The following MTERF4 variants were observed in gnomAD, a reference collection of about 807,000 sequenced individuals.
The protein encoded by MTERF4 is mitochondrial transcription termination factor 4.
Under a neutral mutation model 22.5 loss-of-function variants are expected in MTERF4, and 17 were observed. That is an observed-to-expected ratio of 0.75 (90% CI 0.52 to 1.13). The LOEUF (loss-of-function observed/expected upper bound fraction) is 1.13, where lower values mean the gene tolerates loss of function less well. Ranked by LOEUF, MTERF4 falls within the 50% of genes most tolerant of loss-of-function variation. MTERF4 has a pLI of 0.00. For synonymous variants in MTERF4, 165 were observed against 175.3 expected (o/e 0.94, Z 0.47); for missense variants, 420 against 466.8 (o/e 0.90, Z 0.92).
At chr2:241,082,168 G>T, downstream of MTERF4, 1 of 834,100 alleles carries the variant, frequency 1.2e-6, no homozygotes, top group Admixed American at 2.3e-5. Flanking sequence ...CGCCTTGGAG[G>T]AAGCCAGCCT....
At chr2:241,102,160 C>T (rs2064742712) in intron 1 of MTERF4, 93 bp downstream of exon 1, 1 of 1,531,256 alleles carries the variant, frequency 6.5e-7, no homozygotes, top group East Asian at 2.5e-5. Context: ...GCTCCACGAC[C>T]TGGCCGTGAA....
At chr2:241,043,003 A>G in the MTERF4 span, among the ~76,000 whole-genome samples, 1 of 152,212 alleles carries the variant, frequency 6.6e-6, no homozygotes, top group East Asian at 1.9e-4. Context: ...CCTGGGATCC[A>G]TGTATGTGCA....
At chr2:241,052,278 C>T in the MTERF4 span, 4 of 1,433,844 alleles carry the variant, frequency 2.8e-6, no homozygotes, top group East Asian at 2.3e-5. Context: ...GAGCTGGGTG[C>T]AGGAGGCAGG....
chr2:241,094,641 C>T (rs1351710799), downstream of MTERF4: 13 of 339,110 alleles, frequency 3.8e-5, no homozygotes, highest in Non-Finnish European at 6.9e-5. This position sits in a 1 kb window ranked among gnomAD's most constrained non-coding sequence, Gnocchi z 4.3. Flanking sequence ...CTGTTGTGGA[C>T]CAGGCCTTAG....
downstream of MTERF4, chr2:241,090,258 A>G (rs1029656351): frequency 3.3e-6 from 5 of 1,516,740 alleles, no homozygotes; most frequent in East Asian, 5.0e-5. Flanking sequence ...ACACAAACAC[A>G]CACATTGGCT....
chr2:241,094,181 T>C, downstream of MTERF4: 1 of 389,050 alleles, frequency 2.6e-6, no homozygotes, highest in South Asian at 1.9e-5. This position sits in a 1 kb window ranked among gnomAD's most constrained non-coding sequence, Gnocchi z 4.3. Context: ...CCATTGCGTG[T>C]GGGCTGCCAG....
downstream of MTERF4, among the ~76,000 whole-genome samples, chr2:241,067,601 G>A (rs2062513683): frequency 6.6e-6 from 1 of 152,030 alleles, no homozygotes; most frequent in Non-Finnish European, 1.5e-5. Flanking sequence ...CAGAGCCTGG[G>A]CATCCCACTC....
the MTERF4 span, among the ~76,000 whole-genome samples, chr2:241,060,644 TA>T: frequency 0.032 from 4,870 of 151,500 alleles, 366 homozygotes; most frequent in East Asian, 0.21. Flanking sequence ...AATGTTTCTT[TA>T]AAAAAAAACT....
downstream of MTERF4, chr2:241,067,666 C>A (rs1553581619): frequency 1.0e-6 from 1 of 979,810 alleles, no homozygotes; most frequent in Non-Finnish European, 1.5e-6. Flanking sequence ...CTCTCTGTGG[C>A]CCCCAGCACC....
chr2:241,055,259 C>A, the MTERF4 span, among the ~76,000 whole-genome samples: 1 of 152,036 alleles, frequency 6.6e-6, no homozygotes, highest in African/African-American at 2.4e-5. Context: ...TCCAGATGAA[C>A]AGCAGATTAA....
downstream of MTERF4, among the ~76,000 whole-genome samples, chr2:241,086,174 G>A (rs1252465490): frequency 6.6e-6 from 1 of 152,040 alleles, no homozygotes; most frequent in Non-Finnish European, 1.5e-5. Flanking sequence ...GCCCTGTCTG[G>A]GGTTTCTATG....
chr2:241,052,417 G>A, the MTERF4 span: 2 of 1,607,090 alleles, frequency 1.2e-6, no homozygotes, highest in Non-Finnish European at 1.7e-6. Context: ...CCGGGACACG[G>A]ATTTCTTCTG....
downstream of MTERF4, chr2:241,089,120 A>G (rs1047589451): frequency 9.1e-6 from 5 of 548,016 alleles, no homozygotes; most frequent in African/African-American, 5.9e-5. Context: ...ATTCTTCACA[A>G]TCGTTTGCAA....
At chr2:241,059,450 C>T in the MTERF4 span, among the ~76,000 whole-genome samples, 1 of 152,170 alleles carries the variant, frequency 6.6e-6, no homozygotes, top group Non-Finnish European at 1.5e-5. Context: ...TCTCAACTCA[C>T]CTTGATACCA....
the MTERF4 span, among the ~76,000 whole-genome samples, chr2:241,056,811 G>T: frequency 6.6e-6 from 1 of 151,640 alleles, no homozygotes; most frequent in Non-Finnish European, 1.5e-5. Flanking sequence ...TCGATCTCCT[G>T]ACCTCGTGAT....
the MTERF4 span, chr2:241,064,156 C>G: frequency 7.1e-7 from 1 of 1,401,928 alleles, no homozygotes; most frequent in Non-Finnish European, 9.6e-7. The surrounding 1 kb of genome is among the most constrained non-coding windows in gnomAD (Gnocchi z 7.0). Flanking sequence ...GCTCCCCGCC[C>G]TCTGCCCGCC....
At position 241,073,353 on chromosome 2, in the gene MTERF4, A is replaced by T. The variant is rs1267204754; in HGVS notation, n.2809T>A. ...CTCCAGCTCCCTGAACACGGCAGCAAGGACATCGGAAGTGAGTCAGCAGCG... is the reference window on the plus strand; with the variant it reads ...CTCCAGCTCCCTGAACACGGCAGCATGGACATCGGAAGTGAGTCAGCAGCG... On this transcript the variant is annotated non_coding_transcript_exon_variant, in exon 5 of 5. Coordinates refer to the MTERF4 transcript ENST00000464344. This position sits in a 1 kb window ranked among gnomAD's most constrained non-coding sequence, Gnocchi z 6.6. 5.1e-6 allele frequency: 8 copies of T among 1,569,940 alleles called. No individual in the cohort carries two copies. Among genetic ancestry groups the T allele is most frequent in the Non-Finnish European group, 6.9e-6 (8 of 1,158,642 alleles).
chr2:241,083,896 CAT>C (rs2063450095), downstream of MTERF4, among the ~76,000 whole-genome samples: 1 of 134,774 alleles, frequency 7.4e-6, no homozygotes, highest in Admixed American at 7.3e-5. Context: ...TTTAAACTGC[CAT>C]ATTACTATTT....
At chr2:241,056,580 A>AATTTTTTTTT in the MTERF4 span, among the ~76,000 whole-genome samples, 1 of 111,224 alleles carries the variant, frequency 9.0e-6, no homozygotes, top group African/African-American at 3.9e-5. Flanking sequence ...AATAAGTGAA[A>AATTTTTTTTT]TTTTTTTTTT....
Sources: gnomAD v4.1 joint callset for allele counts (sites outside exome capture counted in the v4.1 genomes callset) on GRCh38, gnomAD v4.1.1 for gene constraint, Gnocchi (gnomAD v3.1) non-coding constraint, MANE v1.5 for transcripts, NCBI Gene and HGNC (gene_info 2026-07-23, HGNC 2026-07-21) for gene names.